DLG2: variants seen among roughly 807,000 people sequenced by gnomAD.
DLG2 encodes the protein disks large homolog 2.
DLG2 carries 45 observed loss-of-function variants against 132.5 expected under a neutral mutation model. The observed-to-expected ratio is 0.34, with a 90% CI of 0.27 to 0.44. The LOEUF (loss-of-function observed/expected upper bound fraction) is 0.44. DLG2 is among the 20% of genes least tolerant of loss of function. The probability of loss-of-function intolerance (pLI) is 1.00; values close to 1 mark genes in which losing one functional copy is unlikely to be tolerated. For synonymous variants in DLG2, 424 were observed against 419.6 expected (o/e 1.01, Z -0.13); for missense variants, 1,045 against 1,196.9 (o/e 0.87, Z 1.87).
intron 6 of DLG2, among the ~76,000 whole-genome samples, chr11:85,093,010 C>T (rs943920854): frequency 1.3e-5 from 2 of 152,242 alleles, no homozygotes; most frequent in Non-Finnish European, 2.9e-5. Context: ...ATATCCATCA[C>T]CTCAAGCACT....
At chr11:84,191,770 G>T (rs749674869) in intron 8 of DLG2, among the ~76,000 whole-genome samples, 1 of 152,122 alleles carries the variant, frequency 6.6e-6, no homozygotes, top group Non-Finnish European at 1.5e-5. Context: ...AGTCTGTTAC[G>T]CAAAGCCACA....
At chr11:85,384,566 G>GT (rs1169743608) in intron 3 of DLG2, among the ~76,000 whole-genome samples, 1 of 151,906 alleles carries the variant, frequency 6.6e-6, no homozygotes, top group African/African-American at 2.4e-5. Context: ...TTTTTTGTTT[G>GT]TTTTTTTGTT....
At chr11:84,528,296 C>T (rs1439068867) in intron 7 of DLG2, among the ~76,000 whole-genome samples, 1 of 152,192 alleles carries the variant, frequency 6.6e-6, no homozygotes, top group Non-Finnish European at 1.5e-5. Flanking sequence ...GAATTCACCA[C>T]TAAATTGCAT....
At chr11:83,472,412 A>C (rs2092159155) in intron 23 of DLG2, among the ~76,000 whole-genome samples, 1 of 152,152 alleles carries the variant, frequency 6.6e-6, no homozygotes, top group Admixed American at 6.6e-5. Flanking sequence ...TCTCAGGAGA[A>C]TTTATTCACC....
chr11:85,384,551 A>G (rs946715078), intron 3 of DLG2, among the ~76,000 whole-genome samples: 17 of 152,112 alleles, frequency 1.1e-4, no homozygotes, highest in Admixed American at 5.2e-4. Flanking sequence ...GTAAGTTACT[A>G]AATATTTTTT....
At chr11:83,552,152 T>C (rs2096406364) in intron 19 of DLG2, among the ~76,000 whole-genome samples, 1 of 152,118 alleles carries the variant, frequency 6.6e-6, no homozygotes, top group Non-Finnish European at 1.5e-5. Context: ...GCAAATAGTA[T>C]GATAGGTTAG....
chr11:83,949,464 G>A (rs758100269), intron 14 of DLG2, among the ~76,000 whole-genome samples: 12 of 146,402 alleles, frequency 8.2e-5, no homozygotes, highest in Non-Finnish European at 1.5e-4. Context: ...TTTAACATAC[G>A]TTAAATGCCA....
intron 18 of DLG2, among the ~76,000 whole-genome samples, chr11:83,711,811 G>GCT (rs2085489971): frequency 6.7e-6 from 1 of 148,596 alleles, no homozygotes; most frequent in African/African-American, 2.6e-5. Flanking sequence ...TAGGTCACCT[G>GCT]AGAGCTTGCT....
chr11:84,076,836 T>C (rs1207697623), intron 10 of DLG2, among the ~76,000 whole-genome samples: 2 of 152,326 alleles, frequency 1.3e-5, no homozygotes, highest in Middle Eastern at 3.4e-3. Flanking sequence ...CCAGAAAATA[T>C]GTTTGCTAAT....
chr11:85,267,716 T>C (rs2077300237), intron 4 of DLG2, among the ~76,000 whole-genome samples: 2 of 152,238 alleles, frequency 1.3e-5, no homozygotes, highest in African/African-American at 4.8e-5. Context: ...TTTATTTTCA[T>C]TTTATAGGGA....
intron 3 of DLG2, among the ~76,000 whole-genome samples, chr11:85,286,500 CA>C (rs2078567560): frequency 1.3e-5 from 2 of 152,042 alleles, no homozygotes; most frequent in South Asian, 4.1e-4. Flanking sequence ...TAATAACAAA[CA>C]AAACTAGCAC....
At chr11:83,836,128 G>A (rs1263529773) in intron 16 of DLG2, among the ~76,000 whole-genome samples, 1 of 152,154 alleles carries the variant, frequency 6.6e-6, no homozygotes, top group Non-Finnish European at 1.5e-5. Context: ...CTTGAAGACA[G>A]TCAGGAAGAA....
chr11:84,742,020 A>C (rs2064748042), intron 6 of DLG2, among the ~76,000 whole-genome samples: 1 of 152,088 alleles, frequency 6.6e-6, no homozygotes, highest in Non-Finnish European at 1.5e-5. Flanking sequence ...AATTCAATGA[A>C]ATAAAAAATA....
intron 15 of DLG2, among the ~76,000 whole-genome samples, chr11:83,893,127 C>T (rs879321197): frequency 7.2e-5 from 11 of 152,192 alleles, no homozygotes; most frequent in Non-Finnish European, 1.2e-4. Flanking sequence ...ATACACCCTA[C>T]CTCTTCAGTG....
At position 85,346,379 on chromosome 11, in the gene DLG2, G is replaced by A. The variant is rs147581208; in HGVS notation, c.41-61014C>T. Among the ~76,000 whole-genome samples, 319 of 151,902 alleles carry A rather than the reference G, an allele frequency of 2.1e-3. 4 individuals carry two copies. The highest frequency in any genetic ancestry group is 7.0e-3 in the African/African-American group (291 of 41,356). On this transcript the variant is annotated intron_variant, in intron 3 of 27. Transcript: ENST00000376104. ...AATTTTTTGTATTTTTAGTAGAGAC[G>A]GAGTTTCACCATGTTAGCCAGGATG...
At chr11:85,063,118 G>GCTCATT (rs2064357499) in intron 6 of DLG2, among the ~76,000 whole-genome samples, 2 of 151,792 alleles carry the variant, frequency 1.3e-5, no homozygotes, top group South Asian at 2.1e-4. Flanking sequence ...GGGTCAAAGC[G>GCTCATT]CTCATTCTCG....
At chr11:84,908,457 T>C (rs2091758407) in intron 6 of DLG2, among the ~76,000 whole-genome samples, 1 of 152,188 alleles carries the variant, frequency 6.6e-6, no homozygotes, top group Admixed American at 6.5e-5. Flanking sequence ...CAAGTGTGTG[T>C]CTTCAGAAGC....
intron 6 of DLG2, among the ~76,000 whole-genome samples, chr11:85,028,095 T>C (rs576702612): frequency 7.9e-5 from 12 of 152,268 alleles, no homozygotes; most frequent in Non-Finnish European, 1.8e-4. Context: ...AGGCAGGTTG[T>C]CCTGAGAAGT....
intron 3 of DLG2, among the ~76,000 whole-genome samples, chr11:85,500,252 A>G (rs1309040306): frequency 1.3e-5 from 2 of 151,492 alleles, no homozygotes; most frequent in Non-Finnish European, 2.9e-5. Context: ...GCAAAGTCTA[A>G]AGTTACAAAA....
Sources: allele counts gnomAD v4.1 joint callset (sites outside exome capture counted in the v4.1 genomes callset), GRCh38; gene constraint gnomAD v4.1.1; transcripts MANE v1.5; gene names NCBI Gene and HGNC (gene_info 2026-07-23, HGNC 2026-07-21).